CLEC2A: variants seen among roughly 807,000 people sequenced by gnomAD.
CLEC2A encodes the protein keratinocyte-associated C-type lectin.
Under a neutral mutation model 18.6 loss-of-function variants are expected in CLEC2A, and 19 were observed. The ratio of observed to expected loss-of-function variants is 1.02; its 90% CI spans 0.71 to 1.50. The LOEUF is 1.50. Ranked by LOEUF, CLEC2A falls within the 40% of genes most tolerant of loss-of-function variation. The pLI, the probability that CLEC2A is intolerant of heterozygous loss-of-function variation, is 0.00. For synonymous variants in CLEC2A, 74 were observed against 64.0 expected (o/e 1.16, Z -0.75); for missense variants, 190 against 207.9 (o/e 0.91, Z 0.53).
chr12:9,931,973 T>C (rs1396508750), intron 1 of CLEC2A, among the ~76,000 whole-genome samples: 2 of 152,214 alleles, frequency 1.3e-5, no homozygotes, highest in Non-Finnish European at 2.9e-5. Context: ...TTATTCTGTA[T>C]AAAAGTGTTA....
chr12:9,913,294 T>G lies in CLEC2A; in HGVS notation c.*272A>C. The G allele has an allele frequency of 2.6e-6, 1 of 383,108 alleles. No homozygotes were observed. The highest frequency in any genetic ancestry group is 4.3e-6 in the Non-Finnish European group (1 of 230,316). The allele number at this position is 383,108 out of a possible 1,614,324, so 23.7% of individuals were successfully genotyped here. ...AAAGCTAATCACCAGTGTGATGGTA[T>G]TAGGGGATGGAGCCATCCATCAGGA... is the stretch of plus-strand genomic sequence containing the variant. On this transcript the variant is annotated 3_prime_UTR_variant, in exon 5 of 5. Coordinates refer to ENST00000455827, the MANE Select transcript of CLEC2A (RefSeq NM_001130711.2).
At chr12:9,891,671 A>AT in the CLEC2A span, among the ~76,000 whole-genome samples, 1 of 151,934 alleles carries the variant, frequency 6.6e-6, no homozygotes, top group Admixed American at 6.6e-5. Flanking sequence ...AATCTTTTCA[A>AT]TTTTTTTTAA....
chr12:9,893,109 C>A, the CLEC2A span: 2 of 1,535,484 alleles, frequency 1.3e-6, no homozygotes, highest in South Asian at 1.2e-5. Flanking sequence ...GAAAGAGAGT[C>A]AACGTGATTG....
chr12:9,888,679 G>C, the CLEC2A span: 1 of 999,104 alleles, frequency 1.0e-6, no homozygotes, highest in South Asian at 1.4e-5. Flanking sequence ...CATGTACCTA[G>C]ATTGCTATTG....
At chr12:9,897,866 C>T (rs141717695), downstream of CLEC2A, among the ~76,000 whole-genome samples, 5 of 152,264 alleles carry the variant, frequency 3.3e-5, no homozygotes, top group Admixed American at 6.5e-5. Context: ...CTATCATACA[C>T]GTTTTCTATT....
intron 1 of CLEC2A, 82 bp downstream of exon 1, chr12:9,932,193 T>C: frequency 9.9e-7 from 1 of 1,014,038 alleles, no homozygotes. Flanking sequence ...TCACAGTAAG[T>C]AAAGAGTCCA....
chr12:9,922,398 G>A (rs959115439), intron 2 of CLEC2A, among the ~76,000 whole-genome samples, 166 bp from the exon 3 acceptor site: 5 of 152,162 alleles, frequency 3.3e-5, no homozygotes, highest in African/African-American at 1.2e-4. Context: ...CTGTAAGGAA[G>A]ATCATTTAGT....
chr12:9,893,634 T>C, the CLEC2A span: 1 of 485,116 alleles, frequency 2.1e-6, no homozygotes, highest in Non-Finnish European at 3.5e-6. Context: ...TCCTTCTTTC[T>C]CTGTTTTCCC....
At chr12:9,887,275 T>TGATAGATTA in the CLEC2A span, among the ~76,000 whole-genome samples, 1 of 151,904 alleles carries the variant, frequency 6.6e-6, no homozygotes, top group African/African-American at 2.4e-5. Context: ...TAGAAAGAGA[T>TGATAGATTA]GATAGATTAG....
chr12:9,912,438 C>T (rs1253777823), downstream of CLEC2A, among the ~76,000 whole-genome samples: 3 of 152,074 alleles, frequency 2.0e-5, no homozygotes, highest in Admixed American at 6.5e-5. Context: ...GGGCATGTTT[C>T]CCCCACCCTC....
intron 1 of CLEC2A, among the ~76,000 whole-genome samples, chr12:9,929,276 G>A (rs1245510655): frequency 6.6e-6 from 1 of 151,872 alleles, no homozygotes; most frequent in African/African-American, 2.4e-5. Context: ...TATATCACTG[G>A]TTACCTTTAG....
chr12:9,893,384 T>A, the CLEC2A span: 5,669 of 1,023,106 alleles, frequency 5.5e-3, 216 homozygotes, highest in African/African-American at 0.078. Context: ...GGCATCAAAA[T>A]TTTTTTAAAC....
At chr12:9,895,449 G>A (rs190892968), downstream of CLEC2A, among the ~76,000 whole-genome samples, 30 of 152,276 alleles carry the variant, frequency 2.0e-4, 1 homozygote, top group Admixed American at 1.6e-3. Context: ...GATAATGAGA[G>A]GTTTGAGAGG....
chr12:9,912,415 T>C (rs1482522626), downstream of CLEC2A, among the ~76,000 whole-genome samples: 2 of 151,880 alleles, frequency 1.3e-5, no homozygotes, highest in Non-Finnish European at 2.9e-5. Flanking sequence ...ACCCTTAGAG[T>C]GACAGGGTTT....
downstream of CLEC2A, among the ~76,000 whole-genome samples, chr12:9,908,628 C>T (rs186318923): frequency 6.6e-6 from 1 of 152,130 alleles, no homozygotes; most frequent in Non-Finnish European, 1.5e-5. Flanking sequence ...CCTGGCCCCC[C>T]CTATTCTTCC....
At chr12:9,909,584 G>A (rs1418789317), downstream of CLEC2A, among the ~76,000 whole-genome samples, 2 of 152,168 alleles carry the variant, frequency 1.3e-5, no homozygotes, top group Admixed American at 1.3e-4. Flanking sequence ...CTGGTTAGAG[G>A]AGCATTTATG....
the CLEC2A span, among the ~76,000 whole-genome samples, chr12:9,882,260 G>A: frequency 6.6e-6 from 1 of 152,140 alleles, no homozygotes; most frequent in Admixed American, 6.5e-5. Flanking sequence ...ATTACCAGTC[G>A]CAGTGGCAGT....
intron 4 of CLEC2A, among the ~76,000 whole-genome samples, chr12:9,901,514 C>T (rs1207655127): frequency 1.3e-5 from 2 of 152,096 alleles, no homozygotes. Context: ...CATACATTAG[C>T]TTTATTCACC....
At chr12:9,881,685 T>C in the CLEC2A span, 46 of 1,504,362 alleles carry the variant, frequency 3.1e-5, no homozygotes, top group Non-Finnish European at 1.1e-5. Flanking sequence ...CTGCTCCCCA[T>C]CACCGCATTT....
Sources: allele counts gnomAD v4.1 joint callset (sites outside exome capture counted in the v4.1 genomes callset), GRCh38; gene constraint gnomAD v4.1.1; transcripts MANE v1.5; gene names NCBI Gene and HGNC (gene_info 2026-07-23, HGNC 2026-07-21).